The following ZNF227 variants were observed in gnomAD, a reference collection of about 807,000 sequenced individuals.
ZNF227 encodes zinc finger protein 227.
A neutral mutation model predicts 13.2 loss-of-function variants in ZNF227; 12 were observed. That is an observed-to-expected ratio of 0.91 (90% CI 0.58 to 1.47). The LOEUF is 1.47. Among genes scored for constraint, ZNF227 ranks in the 40% most tolerant of loss-of-function variants. The pLI is 0.00. For missense variants in ZNF227, 885 were observed against 967.5 expected (o/e 0.91, Z 1.13); for synonymous variants, 338 against 326.0 (o/e 1.04, Z -0.40).
chr19:44,223,200 A>G (rs1434541999), intron 3 of ZNF227, among the ~76,000 whole-genome samples: 1 of 152,206 alleles, frequency 6.6e-6, no homozygotes, highest in Non-Finnish European at 1.5e-5. Flanking sequence ...ATCAATGTTC[A>G]TCAAGGATAT....
chr19:44,230,924 A>T lies in ZNF227; in HGVS notation c.271+1108A>T, dbSNP rs865898940. Among the ~76,000 whole-genome samples the T allele has an allele frequency of 7.0e-3, 616 of 87,918 alleles. 7 individuals are homozygous for T. The highest frequency in any genetic ancestry group is 0.015 in the Middle Eastern group (3 of 204). The allele number at this position is 87,918 out of a possible 152,430, so 57.7% of individuals were successfully genotyped here. On this transcript the variant is annotated intron_variant, in intron 5 of 5. Transcript: ENST00000313040. Reference sequence around the variant, plus strand: ...CCATCTCTACAAAAAAAAAAAAAAAAAAATATATATATATATATATATATA... The same window carrying T: ...CCATCTCTACAAAAAAAAAAAAAAATAAATATATATATATATATATATATA...
intron 3 of ZNF227, among the ~76,000 whole-genome samples, chr19:44,222,330 T>C (rs1243361362): frequency 2.6e-5 from 4 of 152,222 alleles, no homozygotes; most frequent in Non-Finnish European, 5.9e-5. Context: ...GGGGATGGCA[T>C]TGAATCTATA....
rs1258964491 is a variant in ZNF227, at chr19:44,236,624, C to T, written c.2194C>T (p.Arg732Ter). Reference protein sequence around the residue: ...GKAFSLPSNLRVHLGVHTREK... With the variant: ...GKAFSLPSNL ...GGCCTTCAGTCTCCCCTCAAATCTTCGAGTCCACCTGGGTGTTCACACCAG... is the reference window on the plus strand; with the variant it reads ...GGCCTTCAGTCTCCCCTCAAATCTTTGAGTCCACCTGGGTGTTCACACCAG... The change falls in exon 6 of 6, where the codon CGA (arginine) becomes TGA (stop). Residue 732 changes from arginine to a stop codon, truncating the protein, a stop_gained. Coordinates refer to ENST00000313040, the MANE Select transcript of ZNF227 (RefSeq NM_182490.3). LOFTEE classifies it low-confidence loss of function (END_TRUNC). 14 of 1,613,750 alleles carry T rather than the reference C, an allele frequency of 8.7e-6. No homozygotes were observed. The highest frequency in any genetic ancestry group is 3.3e-4 in the Middle Eastern group (2 of 6,084).
At chr19:44,228,773 A>G (rs1973464633) in intron 4 of ZNF227, 2 of 577,376 alleles carry the variant, frequency 3.5e-6, no homozygotes, top group Non-Finnish European at 5.4e-6. Flanking sequence ...CTGGTTCTCA[A>G]CCATGGGTGA....
intron 5 of ZNF227, among the ~76,000 whole-genome samples, chr19:44,230,945 A>ATCTATATCTATATCTATATC (rs1568610048): frequency 8.1e-5 from 11 of 135,680 alleles, no homozygotes; most frequent in African/African-American, 3.3e-4. Context: ...ATATATATAT[A>ATCTATATCTATATCTATATC]TATATATATC....
chr19:44,235,441 G>A lies in ZNF227; in HGVS notation c.1011G>A (p.Thr337=), dbSNP rs768164418. 5.0e-6 allele frequency: 8 copies of A among 1,614,020 alleles called. No homozygotes were observed. The East Asian group carries it at 6.7e-5, about 13-fold the overall frequency. Reference sequence around the variant, plus strand: ...GCGGCAAGGGATTCAGTAGCAGCACGGGTCTTATCATTCATTACAGAACTC... The same window carrying A: ...GCGGCAAGGGATTCAGTAGCAGCACAGGTCTTATCATTCATTACAGAACTC... ...DSCGKGFSSS[T]GLIIHYRTHT... Residue 337 remains threonine (T), a synonymous_variant, in exon 6 of 6, where the codon ACG becomes ACA. Transcript: ENST00000313040.
At chr19:44,234,672 C>A in intron 5 of ZNF227, 30 bp from the exon 6 acceptor site, 2 of 1,538,538 alleles carry the variant, frequency 1.3e-6, no homozygotes, top group Admixed American at 2.2e-5. Context: ...GCCCTCATCT[C>A]TAAATATTGC....
intron 5 of ZNF227, among the ~76,000 whole-genome samples, chr19:44,230,989 C>T (rs895787691): frequency 6.9e-6 from 1 of 145,136 alleles, no homozygotes; most frequent in Non-Finnish European, 1.5e-5. Flanking sequence ...TCTGTAGTCC[C>T]AGCTACTTGG....
At chr19:44,209,189 A>G (rs1162347887), upstream of ZNF227, among the ~76,000 whole-genome samples, 4 of 152,238 alleles carry the variant, frequency 2.6e-5, no homozygotes, top group African/African-American at 7.2e-5. Flanking sequence ...AGAAATTCCC[A>G]AACATGCACA....
chr19:44,225,952 T>C (rs1973090427), intron 3 of ZNF227, among the ~76,000 whole-genome samples: 1 of 152,228 alleles, frequency 6.6e-6, no homozygotes, highest in South Asian at 2.1e-4. Flanking sequence ...GGTGTGGATG[T>C]CCTTTCTGTT....
intron 5 of ZNF227, among the ~76,000 whole-genome samples, chr19:44,233,298 AAAC>A (rs1264143716): frequency 6.6e-6 from 1 of 152,154 alleles, no homozygotes; most frequent in African/African-American, 2.4e-5. Context: ...TTACCAACTA[AAAC>A]AAGTATTTCC....
intron 3 of ZNF227, among the ~76,000 whole-genome samples, chr19:44,221,302 G>A (rs925443681): frequency 6.6e-6 from 1 of 152,158 alleles, no homozygotes; most frequent in African/African-American, 2.4e-5. Context: ...GGGTCAAATG[G>A]TATTTCTAGT....
chr19:44,214,617 A>G (rs1971654778), intron 2 of ZNF227, among the ~76,000 whole-genome samples: 1 of 152,084 alleles, frequency 6.6e-6, no homozygotes, highest in South Asian at 2.1e-4. Context: ...ACCTCAGGTA[A>G]TCCGCCCACC....
chr19:44,236,208 C>T lies in ZNF227; in HGVS notation c.1778C>T (p.Ala593Val), dbSNP rs374618376. The change falls in exon 6 of 6, where the codon GCA becomes GTA. Residue 593 changes from alanine (A) to valine (V), a missense_variant. Coordinates refer to ENST00000313040, the MANE Select transcript of ZNF227 (RefSeq NM_182490.3). Reference protein sequence around the residue: ...KGFSWRSNLHAHQRVHSGEKP... With the variant: ...KGFSWRSNLHVHQRVHSGEKP... ...TTCAGTTGGAGATCAAATCTTCATG[C>T]ACATCAAAGAGTTCACTCAGGAGAA... The T allele has an allele frequency of 6.2e-6, 10 of 1,613,534 alleles. No homozygotes were observed. The highest frequency in any genetic ancestry group is 1.3e-5 in the African/African-American group (1 of 74,716).
At chr19:44,229,846 G>T in intron 5 of ZNF227, 30 bp downstream of exon 5, 1 of 1,474,932 alleles carries the variant, frequency 6.8e-7, no homozygotes, top group South Asian at 1.4e-5. Flanking sequence ...CCCTGTGTCT[G>T]TTCTTTCAGG....
chr19:44,229,499 C>T (rs1973547013), intron 4 of ZNF227, among the ~76,000 whole-genome samples: 1 of 152,180 alleles, frequency 6.6e-6, no homozygotes, highest in Admixed American at 6.5e-5. Flanking sequence ...GTAATCCCAA[C>T]TACTCGGGAG....
intron 2 of ZNF227, among the ~76,000 whole-genome samples, chr19:44,215,184 T>C (rs866487782): frequency 2.3e-4 from 35 of 151,280 alleles, no homozygotes; most frequent in South Asian, 1.1e-3. Context: ...TTTTTTTTTT[T>C]TGAAACGGAG....
In ZNF227 at chr19:44,230,951, A is replaced by C. The variant is rs10409423; in HGVS notation, c.271+1135A>C. 1.6e-3 allele frequency among the ~76,000 whole-genome samples: 211 copies of C among 132,670 alleles called. 3 individuals are homozygous for C. The highest frequency in any genetic ancestry group is 5.4e-3 in the African/African-American group (171 of 31,516). The allele number at this position is 132,670 out of a possible 152,430, so 87.0% of individuals were successfully genotyped here. ...AATATATATATATATATATATATAT[A>C]TATCTTAGCCAGGCATGTTAGCATA... On this transcript the variant is annotated intron_variant, in intron 5 of 5. Coordinates refer to ENST00000313040, the MANE Select transcript of ZNF227 (RefSeq NM_182490.3).
At chr19:44,229,374 G>C (rs1973531862) in intron 4 of ZNF227, among the ~76,000 whole-genome samples, 1 of 152,172 alleles carries the variant, frequency 6.6e-6, no homozygotes, top group East Asian at 1.9e-4. Context: ...CAATACGGGA[G>C]GCCAGGGTGG....
Sources: allele counts gnomAD v4.1 joint callset (sites outside exome capture counted in the v4.1 genomes callset), GRCh38; gene constraint gnomAD v4.1.1; transcripts MANE v1.5; gene names NCBI Gene and HGNC (gene_info 2026-07-23, HGNC 2026-07-21).